The following CXADR variants were observed in gnomAD, a reference collection of about 807,000 sequenced individuals.
CXADR encodes the protein coxsackievirus and adenovirus receptor.
A neutral mutation model predicts 40.3 loss-of-function variants in CXADR; 20 were observed. The ratio of observed to expected loss-of-function variants is 0.50; its 90% CI spans 0.35 to 0.72. The LOEUF (loss-of-function observed/expected upper bound fraction) is 0.72, where lower values mean the gene tolerates loss of function less well. Among genes scored for constraint, CXADR ranks in the 30% least tolerant of loss-of-function variants. CXADR has a pLI of 0.01. For synonymous variants in CXADR, 150 were observed against 161.3 expected, an observed-to-expected ratio of 0.93 and a Z score of 0.53; for missense variants, 332 against 449.1, an observed-to-expected ratio of 0.74 and a Z score of 2.36.
chr21:17,590,740 A>AT (rs2061429122), intron 7 of CXADR, among the ~76,000 whole-genome samples: 1 of 151,982 alleles, frequency 6.6e-6, no homozygotes, highest in South Asian at 2.1e-4. Flanking sequence ...CAAGTAACTG[A>AT]TAAGTAAGAA....
chr21:17,527,549 T>A (rs1569081615), intron 1 of CXADR, among the ~76,000 whole-genome samples: 1 of 152,180 alleles, frequency 6.6e-6, no homozygotes, highest in Non-Finnish European at 1.5e-5. Flanking sequence ...ATTCTAGTAC[T>A]CTTGGCAAGC....
chr21:17,535,042 A>G (rs763460442), intron 1 of CXADR, among the ~76,000 whole-genome samples: 3 of 152,106 alleles, frequency 2.0e-5, no homozygotes, highest in Admixed American at 1.3e-4. Context: ...TTGGCCTCCG[A>G]AAGTGCTGGG....
chr21:17,523,542 CAT>C (rs140317202), intron 1 of CXADR, among the ~76,000 whole-genome samples: 3,785 of 152,122 alleles, frequency 0.025, 61 homozygotes, highest in Middle Eastern at 0.054. Context: ...TTTCATCTGT[CAT>C]AGAAGTCATC....
At chr21:17,515,066 G>A (rs913362021) in intron 1 of CXADR, among the ~76,000 whole-genome samples, 5 of 151,750 alleles carry the variant, frequency 3.3e-5, no homozygotes, top group Admixed American at 3.3e-4. Context: ...AGGTATACAC[G>A]GGTACAGTGA....
At chr21:17,531,938 T>TC (rs1455340098) in intron 1 of CXADR, among the ~76,000 whole-genome samples, 1 of 12,852 alleles carries the variant, frequency 7.8e-5, no homozygotes, top group African/African-American at 1.5e-4. Context: ...GTTTTTTGGG[T>TC]TTTTTTTTTT....
chr21:17,592,955 A>C (rs556955711), intron 7 of CXADR, among the ~76,000 whole-genome samples: 200 of 152,036 alleles, frequency 1.3e-3, no homozygotes, highest in Non-Finnish European at 2.4e-3. Flanking sequence ...TAAAAATAAC[A>C]ATAATTTGTG....
At chr21:17,593,210 A>G (rs1379344596) in exon 8 of CXADR, 1 of 1,429,404 alleles carries the variant, frequency 7.0e-7, no homozygotes, top group Non-Finnish European at 9.2e-7. Context: ...ACTACTGAAG[A>G]ATCTGAAGTA....
intron 1 of CXADR, among the ~76,000 whole-genome samples, chr21:17,523,027 T>A (rs1245682168): frequency 1.3e-5 from 2 of 152,196 alleles, no homozygotes; most frequent in Non-Finnish European, 2.9e-5. Flanking sequence ...GAAGTCATTG[T>A]GTCCCTCCAG....
chr21:17,593,889 TAATAA>T (rs1250740030), downstream of CXADR: 7 of 646,338 alleles, frequency 1.1e-5, no homozygotes, highest in African/African-American at 1.9e-5. Flanking sequence ...TGACTAACTT[TAATAA>T]AATTTCTCAA....
At chr21:17,534,060 C>CTATATATA (rs201049313) in intron 1 of CXADR, among the ~76,000 whole-genome samples, 4 of 47,156 alleles carry the variant, frequency 8.5e-5, no homozygotes, top group Non-Finnish European at 1.9e-4. Flanking sequence ...ATATATATAG[C>CTATATATA]TATATATATA....
intron 5 of CXADR, 50 bp from the exon 6 acceptor site, chr21:17,561,288 A>G (rs908332571): frequency 4.5e-6 from 5 of 1,105,082 alleles, no homozygotes; most frequent in Middle Eastern, 3.1e-4. Flanking sequence ...TTCAGTATCT[A>G]TACATGTATA....
chr21:17,525,628 G>T (rs1036109060), intron 1 of CXADR, among the ~76,000 whole-genome samples: 1 of 152,238 alleles, frequency 6.6e-6, no homozygotes, highest in East Asian at 1.9e-4. Context: ...GGGTAATTCT[G>T]CAGGAAGAAT....
chr21:17,585,710 G>A (rs1318136847), intron 7 of CXADR, among the ~76,000 whole-genome samples: 1 of 152,080 alleles, frequency 6.6e-6, no homozygotes, highest in Non-Finnish European at 1.5e-5. Flanking sequence ...AGTACAGACG[G>A]GGTTTCACCA....
intron 7 of CXADR, among the ~76,000 whole-genome samples, chr21:17,584,510 G>A (rs2061381314): frequency 6.6e-6 from 1 of 152,156 alleles, no homozygotes; most frequent in African/African-American, 2.4e-5. Flanking sequence ...CTATTATTAA[G>A]GTCTTGCGAT....
chr21:17,599,081 TAA>T, the CXADR span: 4 of 319,968 alleles, frequency 1.3e-5, no homozygotes, highest in East Asian at 5.1e-5. Flanking sequence ...TACTAATTCC[TAA>T]AAAAAAAATT....
the CXADR span, among the ~76,000 whole-genome samples, chr21:17,624,259 C>T: frequency 6.6e-6 from 1 of 152,314 alleles, no homozygotes; most frequent in South Asian, 2.1e-4. Context: ...ATTACTTCCA[C>T]AACAAATGAC....
Position 17,561,449 on chromosome 21 carries a change from A to G in CXADR, c.806A>G (p.Tyr269Cys). 6.2e-7 allele frequency: 1 copy of G among 1,611,044 alleles called. No individual in the cohort carries two copies. The highest frequency in any genetic ancestry group is 8.5e-7 in the Non-Finnish European group (1 of 1,178,348). Residue 269 changes from tyrosine (Y) to cysteine (C), a missense_variant, in exon 6 of 7, where the codon TAT becomes TGT. By Grantham distance (194) the Tyr-to-Cys change is radical. Transcript: ENST00000284878. ...CGTAAAAAGCGCAGAGAAGAAAAAT[A>G]TGAAAAGGAAGTTCATCACGATATC... ...CCRKKRREEK[Y>C]EKEVHHDIRE...
At chr21:17,579,910 C>A (rs2123377147) in intron 7 of CXADR, among the ~76,000 whole-genome samples, 1 of 151,312 alleles carries the variant, frequency 6.6e-6, no homozygotes, top group African/African-American at 2.4e-5. Flanking sequence ...CTTTCCTATT[C>A]ATTTACTATT....
At position 17,578,627 on chromosome 21, in the gene CXADR, G is replaced by A. The variant is rs562294427; in HGVS notation, c.1017+13016G>A. Among the ~76,000 whole-genome samples the A allele has an allele frequency of 5.3e-5, 8 of 152,280 alleles. No homozygotes were observed. The East Asian group carries it at 1.2e-3, about 22-fold the overall frequency. Reference sequence around the variant, plus strand: ...CAAGGCAGGCAGAGCCCAGGAGTTCGAGACCAGTCTGGCCAACATGGCAAA... The same window carrying A: ...CAAGGCAGGCAGAGCCCAGGAGTTCAAGACCAGTCTGGCCAACATGGCAAA... On this transcript the variant is annotated intron_variant, in intron 7 of 7. Coordinates refer to the CXADR transcript ENST00000400169.
Sources: gnomAD v4.1 joint callset for allele counts (sites outside exome capture counted in the v4.1 genomes callset) on GRCh38, gnomAD v4.1.1 for gene constraint, MANE v1.5 for transcripts, NCBI Gene and HGNC (gene_info 2026-07-23, HGNC 2026-07-21) for gene names.